The following CALD1 variants were observed in gnomAD, a reference collection of about 807,000 sequenced individuals.
The protein encoded by CALD1 is caldesmon.
Under a neutral mutation model 99.9 loss-of-function variants are expected in CALD1, and 33 were observed. The ratio of observed to expected loss-of-function variants is 0.33; its 90% CI spans 0.25 to 0.44. The LOEUF (loss-of-function observed/expected upper bound fraction) is 0.44, where lower values mean the gene tolerates loss of function less well. Among genes scored for constraint, CALD1 ranks in the 20% least tolerant of loss-of-function variants. The pLI, the probability that CALD1 is intolerant of heterozygous loss-of-function variation, is 1.00. For missense variants in CALD1, 861 were observed against 962.1 expected, an observed-to-expected ratio of 0.89 and a Z score of 1.39; for synonymous variants, 310 against 325.0, an observed-to-expected ratio of 0.95 and a Z score of 0.50.
At chr7:134,847,426 T>C (rs1411148575) in intron 2 of CALD1, among the ~76,000 whole-genome samples, 2 of 152,168 alleles carry the variant, frequency 1.3e-5, no homozygotes, top group African/African-American at 2.4e-5. Context: ...GGAGAAGGTC[T>C]GGAATCCACT....
At chr7:134,778,196 TAG>T (rs2131658713), upstream of CALD1, among the ~76,000 whole-genome samples, 1 of 152,226 alleles carries the variant, frequency 6.6e-6, no homozygotes, top group East Asian at 1.9e-4. Flanking sequence ...GAGATGAGTG[TAG>T]AGAGTTGATA....
intron 9 of CALD1, among the ~76,000 whole-genome samples, chr7:134,952,769 C>T (rs1807457958): frequency 6.6e-6 from 1 of 152,104 alleles, no homozygotes; most frequent in Non-Finnish European, 1.5e-5. Context: ...ATGCCCGGCT[C>T]ACTTAGTCTT....
At chr7:134,712,689 C>A in the CALD1 span, among the ~76,000 whole-genome samples, 1 of 152,168 alleles carries the variant, frequency 6.6e-6, no homozygotes, top group Non-Finnish European at 1.5e-5. Context: ...CAGGGCTCTG[C>A]GGAGACTTTG....
the CALD1 span, among the ~76,000 whole-genome samples, chr7:134,711,628 TTCTCTCTCTCTCTC>T: frequency 1.6e-5 from 1 of 64,028 alleles, no homozygotes; most frequent in Non-Finnish European, 2.5e-5. Flanking sequence ...CAACCTCAGC[TTCTCTCTCTCTCTC>T]TCTCTCTCTC....
At chr7:134,714,599 C>T in the CALD1 span, among the ~76,000 whole-genome samples, 1 of 152,228 alleles carries the variant, frequency 6.6e-6, no homozygotes, top group Admixed American at 6.5e-5. Context: ...TTTATTGAAG[C>T]AGCAGTGTCA....
At chr7:134,903,155 C>G (rs1376387354) in intron 3 of CALD1, among the ~76,000 whole-genome samples, 3 of 152,064 alleles carry the variant, frequency 2.0e-5, no homozygotes, top group Non-Finnish European at 4.4e-5. Context: ...TTTCTAGGCA[C>G]TAGGGCAAGA....
intron 9 of CALD1, among the ~76,000 whole-genome samples, chr7:134,957,378 C>T (rs544534117): frequency 6.6e-6 from 1 of 152,078 alleles, no homozygotes; most frequent in Admixed American, 6.6e-5. Context: ...TAAAGGGTAA[C>T]AGTGTGTGTT....
At chr7:134,768,900 C>T (rs1457249873) in intron 1 of CALD1, among the ~76,000 whole-genome samples, 2 of 152,062 alleles carry the variant, frequency 1.3e-5, no homozygotes, top group African/African-American at 4.8e-5. Flanking sequence ...CTAGTCCATT[C>T]TCATATGCAT....
At chr7:134,952,257 T>A (rs572073193) in intron 9 of CALD1, among the ~76,000 whole-genome samples, 1 of 151,974 alleles carries the variant, frequency 6.6e-6, no homozygotes, top group East Asian at 1.9e-4. Context: ...GCCGAGATCG[T>A]GCCACTGCAC....
chr7:134,906,850 T>C (rs1198536484), intron 3 of CALD1, among the ~76,000 whole-genome samples: 3 of 152,144 alleles, frequency 2.0e-5, no homozygotes, highest in Admixed American at 6.5e-5. Flanking sequence ...GTTGAGGACT[T>C]AAAGTCTCTC....
chr7:134,952,377 C>A (rs973854552), intron 9 of CALD1, among the ~76,000 whole-genome samples: 10 of 152,082 alleles, frequency 6.6e-5, no homozygotes, highest in African/African-American at 2.4e-4. Flanking sequence ...TATCAAGTGG[C>A]ACACCAAAAT....
intron 3 of CALD1, among the ~76,000 whole-genome samples, chr7:134,887,532 C>A (rs938591452): frequency 1.3e-5 from 2 of 152,128 alleles, no homozygotes; most frequent in African/African-American, 4.8e-5. Context: ...GGTAGATTTC[C>A]CTTAGGTTTA....
chr7:134,925,176 A>T (rs1804910547), intron 3 of CALD1, among the ~76,000 whole-genome samples: 1 of 152,126 alleles, frequency 6.6e-6, no homozygotes, highest in Non-Finnish European at 1.5e-5. Flanking sequence ...AAGCAAGAAG[A>T]GGTAGAAGAG....
intron 1 of CALD1, among the ~76,000 whole-genome samples, chr7:134,756,506 C>T (rs896711600): frequency 3.3e-5 from 5 of 151,824 alleles, no homozygotes; most frequent in African/African-American, 7.3e-5. Flanking sequence ...TAAAAATCTA[C>T]TCTATATTAA....
the CALD1 span, among the ~76,000 whole-genome samples, chr7:134,721,394 G>A: frequency 1.3e-5 from 2 of 150,536 alleles, no homozygotes; most frequent in Non-Finnish European, 2.9e-5. Flanking sequence ...TTGGAATTCT[G>A]CAATTCTATG....
chr7:134,882,143 T>A (rs920261098), intron 3 of CALD1, among the ~76,000 whole-genome samples: 4 of 152,220 alleles, frequency 2.6e-5, no homozygotes, highest in African/African-American at 9.6e-5. Flanking sequence ...CTAACACTTG[T>A]GTATCAAGGC....
intron 1 of CALD1, among the ~76,000 whole-genome samples, chr7:134,745,964 T>C (rs1239110717): frequency 2.6e-5 from 4 of 152,186 alleles, no homozygotes; most frequent in Non-Finnish European, 4.4e-5. Flanking sequence ...TTATCTACCA[T>C]GGTTGTGTGG....
At chr7:134,840,096 T>A (rs560425688) in intron 1 of CALD1, among the ~76,000 whole-genome samples, 1 of 152,332 alleles carries the variant, frequency 6.6e-6, no homozygotes, top group Non-Finnish European at 1.5e-5. Flanking sequence ...TTTATTTTTA[T>A]GTCCCATTTA....
At chr7:134,766,141 C>CTTTTTTTTTTTTTTTT (rs71172475) in intron 1 of CALD1, among the ~76,000 whole-genome samples, 1 of 70,804 alleles carries the variant, frequency 1.4e-5, no homozygotes, top group Non-Finnish European at 2.7e-5. Context: ...CTTTTCTTTT[C>CTTTTTTTTTTTTTTTT]TTTTTTTTTT....
Sources: gnomAD v4.1 joint callset for allele counts (sites outside exome capture counted in the v4.1 genomes callset) on GRCh38, gnomAD v4.1.1 for gene constraint, MANE v1.5 for transcripts, NCBI Gene and HGNC (gene_info 2026-07-23, HGNC 2026-07-21) for gene names.